Variants in NUBPL observed in about 807,000 individuals in gnomAD.
NUBPL encodes the protein NUBP iron-sulfur cluster assembly factor, mitochondrial, also known as iron-sulfur cluster transfer protein NUBPL.
NUBPL carries 31 observed loss-of-function variants against 45.7 expected under a neutral mutation model. That is an observed-to-expected ratio of 0.68 (90% CI 0.51 to 0.92). NUBPL has a LOEUF of 0.92. Ranked by LOEUF, NUBPL falls within the 40% of genes least tolerant of loss-of-function variation. NUBPL has a pLI of 0.00. For synonymous variants in NUBPL, 144 were observed against 140.9 expected (o/e 1.02, Z -0.15); for missense variants, 401 against 398.7 (o/e 1.01, Z -0.05).
At chr14:31,653,873 A>G (rs1189381747) in intron 4 of NUBPL, among the ~76,000 whole-genome samples, 1 of 152,204 alleles carries the variant, frequency 6.6e-6, no homozygotes, top group East Asian at 1.9e-4. Flanking sequence ...ATAAATGTCC[A>G]TGAAATCTTC....
chr14:31,571,518 C>T (rs1201163831), intron 3 of NUBPL, among the ~76,000 whole-genome samples: 4 of 151,548 alleles, frequency 2.6e-5, no homozygotes, highest in East Asian at 1.9e-4. Flanking sequence ...GGCATGATCT[C>T]GGCTCACTGC....
At chr14:31,847,118 T>A (rs2040466193) in intron 9 of NUBPL, among the ~76,000 whole-genome samples, 1 of 152,198 alleles carries the variant, frequency 6.6e-6, no homozygotes, top group Non-Finnish European at 1.5e-5. Context: ...AAATAAAAAC[T>A]GTCTATAACT....
intron 4 of NUBPL, among the ~76,000 whole-genome samples, chr14:31,629,289 A>G (rs2035283340): frequency 6.6e-6 from 1 of 152,092 alleles, no homozygotes; most frequent in African/African-American, 2.4e-5. Flanking sequence ...CCTTTTATTA[A>G]AGTGATGTGG....
intron 4 of NUBPL, among the ~76,000 whole-genome samples, chr14:31,628,497 T>C (rs2035263945): frequency 6.6e-6 from 1 of 152,196 alleles, no homozygotes; most frequent in Non-Finnish European, 1.5e-5. Context: ...CAGTTAAAGG[T>C]TTTCTAAAAA....
chr14:31,667,220 C>G (rs936415656), intron 4 of NUBPL, among the ~76,000 whole-genome samples: 3 of 152,002 alleles, frequency 2.0e-5, no homozygotes, highest in African/African-American at 7.2e-5. Flanking sequence ...TCACATAGTC[C>G]CATATTTCTT....
intron 3 of NUBPL, among the ~76,000 whole-genome samples, chr14:31,565,464 C>T (rs2033411988): frequency 6.6e-6 from 1 of 152,110 alleles, no homozygotes; most frequent in South Asian, 2.1e-4. Context: ...TTATGCATTC[C>T]TTTCTGTTCC....
chr14:31,616,753 G>GCA (rs2034912320), intron 4 of NUBPL, among the ~76,000 whole-genome samples: 1 of 151,946 alleles, frequency 6.6e-6, no homozygotes, highest in Non-Finnish European at 1.5e-5. Context: ...TTGTCTATAT[G>GCA]GGCTCTTTTT....
At chr14:31,624,809 C>T (rs1441557021) in intron 4 of NUBPL, among the ~76,000 whole-genome samples, 1 of 152,188 alleles carries the variant, frequency 6.6e-6, no homozygotes, top group African/African-American at 2.4e-5. Flanking sequence ...AAGTGATCCG[C>T]CTGCCTTGGC....
At chr14:31,778,287 A>C (rs1344966222) in intron 6 of NUBPL, among the ~76,000 whole-genome samples, 1 of 152,118 alleles carries the variant, frequency 6.6e-6, no homozygotes, top group Non-Finnish European at 1.5e-5. Flanking sequence ...CTTTCCCAGG[A>C]GGTGAATGGG....
At position 31,650,753 on chromosome 14, in the gene NUBPL, G is replaced by A. The variant is rs144417434; in HGVS notation, c.383-22602G>A. Among the ~76,000 whole-genome samples the A allele has an allele frequency of 4.9e-3, 742 of 152,248 alleles. 2 individuals are homozygous for A. The highest frequency in any genetic ancestry group is 7.0e-3 in the Non-Finnish European group (477 of 68,018). ...TGCTATAGAAGAATTCCTGAGGCTG[G>A]GTAATATATAAAGAAAAAAGGTGTA... On this transcript the variant is annotated intron_variant, in intron 4 of 10. Transcript: ENST00000281081.
Position 31,841,917 on chromosome 14 carries a change from C to CTTTTGTTTTTGTTTTTTT in NUBPL, c.694-4550_694-4549insGTTTTTGTTTTTTTTTTT. ...CTTTCATGTATGGGTCGATTCTGGG[C>CTTTTGTTTTTGTTTTTTT]TTTTTTTTTTTTTTTTTTTTTTTTT... On this transcript the variant is annotated intron_variant, in intron 8 of 10. Transcript: ENST00000281081. 7.7e-4 allele frequency among the ~76,000 whole-genome samples: 33 copies of CTTTTGTTTTTGTTTTTTT among 43,048 alleles called. 3 individuals carry two copies. The highest frequency in any genetic ancestry group is 9.4e-4 in the Non-Finnish European group (22 of 23,472). The allele number at this position is 43,048 out of a possible 152,430, so 28.2% of individuals were successfully genotyped here.
chr14:31,627,177 A>G (rs4981868), intron 4 of NUBPL, among the ~76,000 whole-genome samples: 42,565 of 152,028 alleles, frequency 0.28, 7,246 homozygotes, highest in South Asian at 0.41. Flanking sequence ...TGTGGGAGGA[A>G]AAAAGGGAAT....
At chr14:31,784,446 C>T (rs575614037) in intron 6 of NUBPL, among the ~76,000 whole-genome samples, 4 of 152,230 alleles carry the variant, frequency 2.6e-5, no homozygotes, top group African/African-American at 2.4e-5. Flanking sequence ...TTCCCTGACA[C>T]CCTTTATTCA....
intron 7 of NUBPL, among the ~76,000 whole-genome samples, chr14:31,810,500 C>G (rs2039780553): frequency 6.6e-6 from 1 of 152,000 alleles, no homozygotes; most frequent in Non-Finnish European, 1.5e-5. Flanking sequence ...TTATTTTGAG[C>G]CTATGTATGT....
chr14:31,789,243 G>A (rs1226545581), intron 7 of NUBPL, among the ~76,000 whole-genome samples: 2 of 151,934 alleles, frequency 1.3e-5, no homozygotes, highest in African/African-American at 4.8e-5. Context: ...GGAGAATGAC[G>A]TGAACCCAGG....
intron 6 of NUBPL, among the ~76,000 whole-genome samples, chr14:31,731,796 G>A (rs1373205479): frequency 2.0e-5 from 3 of 152,102 alleles, no homozygotes; most frequent in Non-Finnish European, 4.4e-5. Context: ...CCTCAGAAGA[G>A]TATCACCAGA....
At chr14:31,654,635 T>C (rs1010582402) in intron 4 of NUBPL, among the ~76,000 whole-genome samples, 2 of 152,064 alleles carry the variant, frequency 1.3e-5, no homozygotes, top group Admixed American at 6.6e-5. Context: ...GGTCTCAATC[T>C]CCTGACCTCA....
intron 3 of NUBPL, among the ~76,000 whole-genome samples, chr14:31,575,788 G>A (rs1054104468): frequency 1.3e-5 from 2 of 152,170 alleles, no homozygotes; most frequent in African/African-American, 4.8e-5. Context: ...TTGTGTTTCA[G>A]TATTGTGGTT....
At chr14:31,792,873 A>T (rs944834747) in intron 7 of NUBPL, among the ~76,000 whole-genome samples, 15 of 152,226 alleles carry the variant, frequency 9.9e-5, no homozygotes, top group African/African-American at 3.4e-4. Flanking sequence ...ACCAAAAATG[A>T]TTCAGCTCCC....
Sources: allele counts gnomAD v4.1 joint callset (sites outside exome capture counted in the v4.1 genomes callset), GRCh38; gene constraint gnomAD v4.1.1; transcripts MANE v1.5; gene names NCBI Gene and HGNC (gene_info 2026-07-23, HGNC 2026-07-21).